The following MAP2 variants were observed in gnomAD, a reference collection of about 807,000 sequenced individuals.
MAP2 encodes microtubule-associated protein 2.
A neutral mutation model predicts 137.6 loss-of-function variants in MAP2; 14 were observed. That is an observed-to-expected ratio of 0.10 (90% CI 0.07 to 0.16). The LOEUF (loss-of-function observed/expected upper bound fraction) is 0.16, where lower values mean the gene tolerates loss of function less well. MAP2 is among the 10% of genes least tolerant of loss of function. The probability of loss-of-function intolerance (pLI) is 1.00; values close to 1 mark genes in which losing one functional copy is unlikely to be tolerated. For missense variants in MAP2, 2,088 were observed against 2,191.5 expected (o/e 0.95, Z 0.94); for synonymous variants, 786 against 782.3 (o/e 1.00, Z -0.08).
At chr2:209,667,726 T>C (rs561400022) in intron 5 of MAP2, among the ~76,000 whole-genome samples, 7 of 151,996 alleles carry the variant, frequency 4.6e-5, no homozygotes, top group Non-Finnish European at 8.8e-5. Flanking sequence ...GCCCCAAATG[T>C]CTATTCCATA....
chr2:209,498,838 TCTTC>T (rs2060054911), intron 1 of MAP2, among the ~76,000 whole-genome samples: 1 of 152,172 alleles, frequency 6.6e-6, no homozygotes, highest in Admixed American at 6.5e-5. Context: ...ACAAAAACAT[TCTTC>T]CCTCATAGGC....
intron 10 of MAP2, 120 bp from the exon 11 acceptor site, chr2:209,700,157 A>C (rs2061400203): frequency 1.4e-6 from 1 of 703,400 alleles, no homozygotes; most frequent in African/African-American, 1.8e-5. Context: ...TCTCATAATA[A>C]GCAAACTTTT....
chr2:209,534,206 C>T (rs1332443589), intron 2 of MAP2, among the ~76,000 whole-genome samples: 1 of 152,230 alleles, frequency 6.6e-6, no homozygotes, highest in Non-Finnish European at 1.5e-5. Flanking sequence ...ATGTGTCCAG[C>T]ACTGGCTAAT....
Position 209,532,760 on chromosome 2 carries a change from A to G in MAP2, c.-172+25119A>G, listed in dbSNP as rs904079542. 3.9e-5 allele frequency among the ~76,000 whole-genome samples: 6 copies of G among 152,222 alleles called. No homozygotes were observed. The South Asian group carries it at 8.3e-4, about 21-fold the overall frequency. ...CTCCTGTTCCTCTGCACAGAAATCA[A>G]TGTGGACTAGTTGTACAGGCTATTT... On this transcript the variant is annotated intron_variant, in intron 2 of 15. Coordinates refer to ENST00000682079, the MANE Select transcript of MAP2 (RefSeq NM_001375505.1).
intron 2 of MAP2, among the ~76,000 whole-genome samples, chr2:209,528,293 T>C (rs1055996407): frequency 3.3e-5 from 5 of 152,132 alleles, no homozygotes; most frequent in African/African-American, 9.7e-5. Context: ...AAATCAGTAA[T>C]TGTATGTAAA....
chr2:209,728,599 A>G (rs2074962822), intron 14 of MAP2, among the ~76,000 whole-genome samples: 1 of 152,240 alleles, frequency 6.6e-6, no homozygotes, highest in Non-Finnish European at 1.5e-5. Context: ...ATATTGCATG[A>G]GAAAAATACC....
At chr2:209,495,795 C>T (rs1282147293) in intron 1 of MAP2, among the ~76,000 whole-genome samples, 1 of 152,172 alleles carries the variant, frequency 6.6e-6, no homozygotes, top group African/African-American at 2.4e-5. Flanking sequence ...AATTGTTACT[C>T]ATTTCCTATA....
At chr2:209,548,996 C>T (rs76242036) in intron 2 of MAP2, among the ~76,000 whole-genome samples, 2,904 of 152,258 alleles carry the variant, frequency 0.019, 92 homozygotes, top group African/African-American at 0.067. Context: ...TGCCCTAACA[C>T]ATTTTGGTCT....
chr2:209,558,891 G>T (rs1215298894), intron 2 of MAP2, among the ~76,000 whole-genome samples: 1 of 151,590 alleles, frequency 6.6e-6, no homozygotes, highest in Non-Finnish European at 1.5e-5. Flanking sequence ...TATATTTTTT[G>T]GGGAAATAAC....
chr2:209,648,741 A>ATC (rs769685160), intron 4 of MAP2, among the ~76,000 whole-genome samples: 1 of 147,658 alleles, frequency 6.8e-6, no homozygotes, highest in Non-Finnish European at 1.5e-5. Context: ...GTGAGCCGAG[A>ATC]TCACACCACT....
chr2:209,446,969 G>A (rs1462294642), intron 1 of MAP2, among the ~76,000 whole-genome samples: 3 of 151,862 alleles, frequency 2.0e-5, no homozygotes, highest in Non-Finnish European at 2.9e-5. Context: ...AGGTAATGTA[G>A]GTACTTCAAG....
At chr2:209,577,819 A>C (rs771576038) in intron 2 of MAP2, among the ~76,000 whole-genome samples, 3 of 152,228 alleles carry the variant, frequency 2.0e-5, no homozygotes, top group Non-Finnish European at 4.4e-5. Flanking sequence ...ATAGGTTCAC[A>C]AAAGGGCAAT....
At chr2:209,497,079 G>A (rs898268195) in intron 1 of MAP2, among the ~76,000 whole-genome samples, 19 of 152,278 alleles carry the variant, frequency 1.2e-4, no homozygotes, top group African/African-American at 4.3e-4. Context: ...ACCATGACTG[G>A]CTTTAATCCC....
rs1221676324 is a variant in MAP2 at position 209,697,000 on chromosome 2, A to C, written c.4471A>C (p.Ile1491Leu). The C allele has an allele frequency of 1.5e-5, 24 of 1,613,500 alleles. No homozygotes were observed. The highest frequency in any genetic ancestry group is 1.9e-5 in the Non-Finnish European group (23 of 1,179,876). The change falls in exon 10 of 16, where the codon ATC becomes CTC. Residue 1491 changes from isoleucine (I) to leucine (L), a missense_variant. By Grantham distance (5) the Ile-to-Leu change is conservative (BLOSUM62 2). This residue lies in a region of MAP2 where 591 missense variants were observed against 642.6 expected (regional missense o/e 0.92). Transcript: ENST00000682079. ...CAGGAAATTCATTTTAAAACCTGCT[A>C]TCAAATATACTAGACCAACTCATCT... ...PSRKFILKPA[I>L]KYTRPTHLSC...
At chr2:209,727,783 T>A (rs947936748) in intron 14 of MAP2, among the ~76,000 whole-genome samples, 1 of 152,166 alleles carries the variant, frequency 6.6e-6, no homozygotes, top group Non-Finnish European at 1.5e-5. Context: ...TCTTCGAAAA[T>A]CAAAGGCATG....
At chr2:209,463,800 G>A (rs773957389) in intron 1 of MAP2, among the ~76,000 whole-genome samples, 10 of 152,044 alleles carry the variant, frequency 6.6e-5, no homozygotes, top group Non-Finnish European at 1.5e-4. Flanking sequence ...TTGTAGATGC[G>A]TCTTTATTGA....
intron 3 of MAP2, among the ~76,000 whole-genome samples, chr2:209,619,465 G>A (rs1005958763): frequency 2.0e-5 from 3 of 151,908 alleles, no homozygotes; most frequent in Non-Finnish European, 2.9e-5. Flanking sequence ...AGAGACAAAT[G>A]AACAGATGGC....
intron 1 of MAP2, among the ~76,000 whole-genome samples, chr2:209,477,218 T>A (rs1369466088): frequency 6.6e-6 from 1 of 152,182 alleles, no homozygotes; most frequent in Non-Finnish European, 1.5e-5. Flanking sequence ...CACTTTTTCA[T>A]ATACAAAAAA....
chr2:209,516,604 A>G (rs2062550833), intron 2 of MAP2, among the ~76,000 whole-genome samples: 1 of 152,274 alleles, frequency 6.6e-6, no homozygotes, highest in Admixed American at 6.5e-5. Context: ...ATTTATTTAA[A>G]TTTTGGAAAT....
Sources: allele counts gnomAD v4.1 joint callset (sites outside exome capture counted in the v4.1 genomes callset), GRCh38; gene constraint gnomAD v4.1.1; regional missense constraint gnomAD v4.1.1; transcripts MANE v1.5; gene names NCBI Gene and HGNC (gene_info 2026-07-23, HGNC 2026-07-21).